The following NRG3 variants were observed in gnomAD, a reference collection of about 807,000 sequenced individuals.
NRG3 encodes the protein neuregulin 3, also known as pro-neuregulin-3, membrane-bound isoform.
Under a neutral mutation model 66.9 loss-of-function variants are expected in NRG3, and 31 were observed. The observed-to-expected ratio is 0.46, with a 90% CI of 0.35 to 0.63. NRG3 has a LOEUF of 0.63. NRG3 is among the 20% of genes least tolerant of loss of function. NRG3 has a pLI of 0.00. For missense variants in NRG3, 910 were observed against 878.9 expected (o/e 1.04, Z -0.45); for synonymous variants, 393 against 359.4 (o/e 1.09, Z -1.06).
chr10:82,222,269 G>C (rs2075976540), intron 1 of NRG3, among the ~76,000 whole-genome samples: 1 of 151,876 alleles, frequency 6.6e-6, no homozygotes, highest in Admixed American at 6.6e-5. Flanking sequence ...CTTCATTCAT[G>C]GAGCTTATAA....
intron 2 of NRG3, among the ~76,000 whole-genome samples, chr10:82,586,931 A>G (rs376570871): frequency 6.6e-6 from 1 of 152,156 alleles, no homozygotes; most frequent in African/African-American, 2.4e-5. Flanking sequence ...CTAAAAAATC[A>G]TGTTTTTTCA....
chr10:82,864,951 A>G (rs1281721602), intron 3 of NRG3, among the ~76,000 whole-genome samples: 1 of 152,182 alleles, frequency 6.6e-6, no homozygotes, highest in Non-Finnish European at 1.5e-5. Flanking sequence ...GGTAAAGTAC[A>G]CCTGATTAGG....
At chr10:82,403,685 A>C (rs2087283645) in intron 2 of NRG3, among the ~76,000 whole-genome samples, 1 of 152,194 alleles carries the variant, frequency 6.6e-6, no homozygotes, top group Non-Finnish European at 1.5e-5. Flanking sequence ...TCTAGAATTG[A>C]AAACACTTAA....
intron 2 of NRG3, among the ~76,000 whole-genome samples, chr10:82,724,998 C>T (rs894749276): frequency 1.1e-4 from 16 of 152,200 alleles, no homozygotes; most frequent in African/African-American, 3.9e-4. Context: ...CTTCTGAGAA[C>T]AGAGCTTTCC....
At chr10:82,371,878 C>T (rs961537670) in intron 2 of NRG3, among the ~76,000 whole-genome samples, 1 of 152,090 alleles carries the variant, frequency 6.6e-6, no homozygotes, top group African/African-American at 2.4e-5. Context: ...AGCGCACTCT[C>T]CTCTGAGGGA....
At chr10:82,183,508 T>G (rs1235320240) in intron 1 of NRG3, among the ~76,000 whole-genome samples, 1 of 152,094 alleles carries the variant, frequency 6.6e-6, no homozygotes, top group Non-Finnish European at 1.5e-5. Context: ...AAACTATATC[T>G]TCTATATTTT....
intron 1 of NRG3, among the ~76,000 whole-genome samples, chr10:82,047,883 A>T (rs548982070): frequency 2.0e-5 from 3 of 152,272 alleles, no homozygotes; most frequent in African/African-American, 7.2e-5. Flanking sequence ...ACATAGGCTC[A>T]AAATAAAAGG....
chr10:82,406,026 A>T (rs1460783349), intron 2 of NRG3, among the ~76,000 whole-genome samples: 1 of 152,184 alleles, frequency 6.6e-6, no homozygotes, highest in Non-Finnish European at 1.5e-5. Context: ...GCATGGAGAT[A>T]GAAGGTCAAG....
chr10:82,777,292 G>C (rs1005073540), intron 3 of NRG3, among the ~76,000 whole-genome samples: 1 of 152,032 alleles, frequency 6.6e-6, no homozygotes, highest in Non-Finnish European at 1.5e-5. Context: ...GGGCTTTAGG[G>C]GTCTTCCTGT....
intron 2 of NRG3, among the ~76,000 whole-genome samples, chr10:82,419,160 AAATT>A (rs2088868513): frequency 6.6e-6 from 1 of 152,202 alleles, no homozygotes; most frequent in African/African-American, 2.4e-5. Flanking sequence ...GAGCTTAGTG[AAATT>A]AACTATTTTC....
At chr10:81,926,186 C>T (rs977026747) in intron 1 of NRG3, among the ~76,000 whole-genome samples, 1 of 152,088 alleles carries the variant, frequency 6.6e-6, no homozygotes, top group Non-Finnish European at 1.5e-5. Context: ...GGCACAATCT[C>T]GGCTCACTGC....
chr10:82,362,331 A>T lies in NRG3; in HGVS notation c.953+3463A>T, dbSNP rs532616501. ...AATTCAAAATATAATGTGTATATATATATGTGTGTGTGTGTGTGTGTGTGT... is the reference window on the plus strand; with the variant it reads ...AATTCAAAATATAATGTGTATATATTTATGTGTGTGTGTGTGTGTGTGTGT... On this transcript the variant is annotated intron_variant, in intron 2 of 8. Transcript: ENST00000372141. 1.1e-4 allele frequency among the ~76,000 whole-genome samples: 13 copies of T among 123,782 alleles called. No individual in the cohort carries two copies. In the South Asian group the frequency reaches 3.2e-3, roughly 30 times the overall value. 81.2% of individuals were successfully genotyped at this position (123,782 alleles called of 152,430 possible). A position where few individuals can be genotyped will look rare whatever the true frequency, so the allele number is the denominator to read the frequency against.
At chr10:82,832,992 C>A (rs2062604211) in intron 3 of NRG3, among the ~76,000 whole-genome samples, 1 of 152,102 alleles carries the variant, frequency 6.6e-6, no homozygotes, top group Admixed American at 6.6e-5. Context: ...CCTTTCCTGG[C>A]CTTCTTATCA....
chr10:82,104,213 C>T (rs143105045), intron 1 of NRG3, among the ~76,000 whole-genome samples: 43 of 152,214 alleles, frequency 2.8e-4, no homozygotes, highest in Admixed American at 1.1e-3. Context: ...TTGGCAATAG[C>T]AGGCTTATAG....
At chr10:82,877,562 G>C (rs2475798) in intron 4 of NRG3, among the ~76,000 whole-genome samples, 1 of 109,302 alleles carries the variant, frequency 9.1e-6, no homozygotes, top group African/African-American at 3.7e-5. Context: ...TTTTTTTTTG[G>C]ATTTTTAGTG....
intron 3 of NRG3, among the ~76,000 whole-genome samples, chr10:82,818,134 T>C (rs2061792259): frequency 6.6e-6 from 1 of 152,210 alleles, no homozygotes; most frequent in African/African-American, 2.4e-5. Flanking sequence ...TGGTGGGTTA[T>C]TTAGAAATCA....
At chr10:82,215,488 G>A (rs974315669) in intron 1 of NRG3, among the ~76,000 whole-genome samples, 2 of 152,112 alleles carry the variant, frequency 1.3e-5, no homozygotes, top group Non-Finnish European at 2.9e-5. Context: ...CTACAAGTCT[G>A]ATTAATATGA....
intron 3 of NRG3, among the ~76,000 whole-genome samples, chr10:82,816,200 T>C (rs756822708): frequency 2.6e-5 from 4 of 152,234 alleles, no homozygotes; most frequent in Non-Finnish European, 4.4e-5. Context: ...GTTTCAGCCA[T>C]GTTTTTTGTT....
chr10:82,183,101 T>G (rs2073545865), intron 1 of NRG3, among the ~76,000 whole-genome samples: 1 of 152,022 alleles, frequency 6.6e-6, no homozygotes, highest in East Asian at 1.9e-4. Flanking sequence ...TGGACTTCCT[T>G]GGGTTCATCT....
Sources: allele counts gnomAD v4.1 joint callset (sites outside exome capture counted in the v4.1 genomes callset), GRCh38; gene constraint gnomAD v4.1.1; transcripts MANE v1.5; gene names NCBI Gene and HGNC (gene_info 2026-07-23, HGNC 2026-07-21).